The following AP3B1 variants were observed in gnomAD, a reference collection of about 807,000 sequenced individuals.
AP3B1 encodes adaptor related protein complex 3 subunit beta 1.
In AP3B1, 61 loss-of-function variants were observed where a neutral mutation model predicts 132.5. The ratio of observed to expected loss-of-function variants is 0.46; its 90% confidence interval spans 0.37 to 0.57. AP3B1 has a LOEUF of 0.57. AP3B1 is among the 20% of genes least tolerant of loss of function. The probability of loss-of-function intolerance (pLI) is 0.00; values close to 1 mark genes in which losing one functional copy is unlikely to be tolerated. For synonymous variants in AP3B1, 388 were observed against 438.3 expected (o/e 0.89, Z 1.43); for missense variants, 1,120 against 1,289.4 (o/e 0.87, Z 2.01).
intron 6 of AP3B1, among the ~76,000 whole-genome samples, chr5:78,217,120 T>G (rs1376899895): frequency 6.6e-6 from 1 of 152,160 alleles, no homozygotes; most frequent in East Asian, 1.9e-4. Context: ...GGATCTTCAC[T>G]TTAGTGTCTA....
intron 26 of AP3B1, among the ~76,000 whole-genome samples, chr5:78,012,721 A>G (rs1439235458): frequency 6.6e-6 from 1 of 152,232 alleles, no homozygotes; most frequent in Non-Finnish European, 1.5e-5. Context: ...CTAGAACAGA[A>G]AAGCCTCAAG....
chr5:78,013,733 T>C (rs916716579), intron 26 of AP3B1, among the ~76,000 whole-genome samples: 3 of 152,252 alleles, frequency 2.0e-5, no homozygotes, highest in African/African-American at 7.2e-5. Context: ...AAAAGGCTTT[T>C]GTTACTCTTT....
At chr5:78,039,316 T>C (rs773208937) in intron 22 of AP3B1, 42 bp from the exon 23 acceptor site, 1 of 1,455,492 alleles carries the variant, frequency 6.9e-7, no homozygotes, top group African/African-American at 1.4e-5. Context: ...AGTTAGTGAA[T>C]ATAATTATTC....
chr5:78,136,721 T>G (rs981404651), intron 15 of AP3B1, among the ~76,000 whole-genome samples: 1 of 149,472 alleles, frequency 6.7e-6, no homozygotes, highest in Non-Finnish European at 1.5e-5. Flanking sequence ...TACTTCTGGT[T>G]TTTTTTTTTA....
chr5:78,056,629 A>G (rs978104273), intron 22 of AP3B1, among the ~76,000 whole-genome samples: 3 of 152,150 alleles, frequency 2.0e-5, no homozygotes, highest in Admixed American at 6.5e-5. Context: ...CTCCTCTGTT[A>G]GTTGTGGGTG....
intron 24 of AP3B1, among the ~76,000 whole-genome samples, chr5:78,023,439 C>CAAGAA (rs58834256): frequency 0.16 from 23,143 of 148,492 alleles, 1,977 homozygotes; most frequent in Admixed American, 0.24. Flanking sequence ...GAGACCCCAT[C>CAAGAA]AAGAAAAGAA....
chr5:78,023,373 T>C (rs1747185567), intron 24 of AP3B1, among the ~76,000 whole-genome samples: 1 of 151,906 alleles, frequency 6.6e-6, no homozygotes. Context: ...GCCCAGGAGT[T>C]TGAGACTATA....
intron 2 of AP3B1, among the ~76,000 whole-genome samples, chr5:78,256,246 A>C (rs931546279): frequency 6.6e-6 from 1 of 152,006 alleles, no homozygotes. Context: ...TTTTTTGAAA[A>C]GTTAAACAAA....
intron 2 of AP3B1, among the ~76,000 whole-genome samples, chr5:78,246,964 T>C (rs1431723801): frequency 6.6e-6 from 1 of 152,128 alleles, no homozygotes; most frequent in Non-Finnish European, 1.5e-5. Flanking sequence ...TACTATAAAT[T>C]TCCTTGTAAG....
intron 12 of AP3B1, 68 bp from the exon 13 acceptor site, chr5:78,163,019 T>A: frequency 6.8e-7 from 1 of 1,473,892 alleles, no homozygotes; most frequent in Non-Finnish European, 9.5e-7. Flanking sequence ...CCGATTATAT[T>A]AAACTTTGTC....
intron 1 of AP3B1, among the ~76,000 whole-genome samples, chr5:78,277,464 TAAAG>T (rs1277734540): frequency 6.6e-5 from 10 of 151,786 alleles, no homozygotes; most frequent in African/African-American, 2.2e-4. Flanking sequence ...AACAAAAACA[TAAAG>T]AAAGATCAGA....
intron 3 of AP3B1, among the ~76,000 whole-genome samples, chr5:78,234,336 G>A (rs900249319): frequency 1.3e-5 from 2 of 152,144 alleles, no homozygotes; most frequent in African/African-American, 4.8e-5. Flanking sequence ...ATAGGTATAA[G>A]ATGGAAACCA....
intron 22 of AP3B1, among the ~76,000 whole-genome samples, chr5:78,071,598 C>T (rs1023617344): frequency 3.2e-4 from 49 of 152,222 alleles, no homozygotes; most frequent in African/African-American, 1.2e-3. Flanking sequence ...ACTCAAACAC[C>T]AATGGAGTTC....
At chr5:78,097,876 T>C (rs1451350561) in intron 21 of AP3B1, among the ~76,000 whole-genome samples, 1 of 152,244 alleles carries the variant, frequency 6.6e-6, no homozygotes, top group Non-Finnish European at 1.5e-5. Flanking sequence ...ATCGGATGGT[T>C]GCGGTGTCTG....
intron 17 of AP3B1, among the ~76,000 whole-genome samples, chr5:78,120,239 T>A (rs998661524): frequency 6.6e-6 from 1 of 152,114 alleles, no homozygotes; most frequent in African/African-American, 2.4e-5. Flanking sequence ...GCAAAAAACA[T>A]GCCAAAATGT....
intron 2 of AP3B1, among the ~76,000 whole-genome samples, chr5:78,246,573 T>C (rs1747388720): frequency 6.6e-6 from 1 of 152,208 alleles, no homozygotes; most frequent in Admixed American, 6.5e-5. Flanking sequence ...GTAAACATCA[T>C]AGCTTATCTT....
At chr5:78,079,838 T>G (rs1482225054) in intron 22 of AP3B1, among the ~76,000 whole-genome samples, 1 of 152,208 alleles carries the variant, frequency 6.6e-6, no homozygotes, top group African/African-American at 2.4e-5. Context: ...CATCCCAGAT[T>G]GCTTTCCTTT....
At position 78,128,243 on chromosome 5, in the gene AP3B1, T is replaced by C. The variant is rs538866901; in HGVS notation, c.1838-83A>G. ...CAATCATAATCAGAGCTCAAGGTAA[T>C]TGGCATATTACCTCAAATGTCAAGG... is the stretch of plus-strand genomic sequence containing the variant. On this transcript the variant is annotated intron_variant, in intron 16 of 26. Coordinates refer to ENST00000255194, the MANE Select transcript of AP3B1 (RefSeq NM_003664.5). 3 of 1,259,142 alleles carry C rather than the reference T, an allele frequency of 2.4e-6. No homozygotes were observed. The South Asian group carries it at 3.9e-5, about 16-fold the overall frequency. 78.0% of individuals were successfully genotyped at this position (1,259,142 alleles called of 1,614,324 possible).
At chr5:78,274,472 T>C (rs1748687554) in intron 1 of AP3B1, among the ~76,000 whole-genome samples, 1 of 150,904 alleles carries the variant, frequency 6.6e-6, no homozygotes, top group African/African-American at 2.4e-5. Context: ...ACAAAAGCAG[T>C]ATTTGAAGAG....
Sources: allele counts gnomAD v4.1 joint callset (sites outside exome capture counted in the v4.1 genomes callset), GRCh38; gene constraint gnomAD v4.1.1; transcripts MANE v1.5; gene names NCBI Gene and HGNC (gene_info 2026-07-23, HGNC 2026-07-21).